The following MAST4 variants were observed in gnomAD, a reference collection of about 807,000 sequenced individuals.
MAST4 encodes microtubule-associated serine/threonine-protein kinase 4.
Under a neutral mutation model 162.7 loss-of-function variants are expected in MAST4, and 89 were observed. That is an observed-to-expected ratio of 0.55 (90% CI 0.46 to 0.65). The LOEUF (loss-of-function observed/expected upper bound fraction) is 0.65, where lower values mean the gene tolerates loss of function less well. MAST4 is among the 30% of genes least tolerant of loss of function. The pLI, the probability that MAST4 is intolerant of heterozygous loss-of-function variation, is 0.00. For missense variants in MAST4, 3,153 were observed against 3,374.0 expected (o/e 0.93, Z 1.62); for synonymous variants, 1,479 against 1,361.1 (o/e 1.09, Z -1.91).
intron 1 of MAST4, among the ~76,000 whole-genome samples, chr5:66,729,042 A>G (rs2149551164): frequency 6.6e-6 from 1 of 152,314 alleles, no homozygotes; most frequent in South Asian, 2.1e-4. Flanking sequence ...ATTCTCAGGG[A>G]AGTCAAAGCA....
chr5:66,719,217 T>A (rs1751045694), intron 1 of MAST4, among the ~76,000 whole-genome samples: 1 of 152,242 alleles, frequency 6.6e-6, no homozygotes, highest in South Asian at 2.1e-4. Context: ...TACCTCCTCT[T>A]GTTTGGCTAT....
At chr5:66,799,167 G>A (rs534528456) in intron 3 of MAST4, among the ~76,000 whole-genome samples, 16 of 152,104 alleles carry the variant, frequency 1.1e-4, no homozygotes, top group African/African-American at 3.1e-4. Context: ...CTCCGACCTC[G>A]GACTCCTCTT....
Position 66,783,964 on chromosome 5 carries a change from G to C in MAST4, c.518-4706G>C, listed in dbSNP as rs537281061. On this transcript the variant is annotated intron_variant, in intron 2 of 28. Transcript: ENST00000403625. ...TCATTGAGCCAGGGTCCTAGCTTATGAATTTCCTGTACTGAGGCCTTACCT... is the reference window on the plus strand; with the variant it reads ...TCATTGAGCCAGGGTCCTAGCTTATCAATTTCCTGTACTGAGGCCTTACCT... 1.0e-3 allele frequency among the ~76,000 whole-genome samples: 154 copies of C among 152,194 alleles called. 1 individual carries two copies. The highest frequency in any genetic ancestry group is 3.6e-3 in the African/African-American group (149 of 41,530).
chr5:67,013,392 T>C (rs1214528411), intron 4 of MAST4, among the ~76,000 whole-genome samples: 1 of 152,202 alleles, frequency 6.6e-6, no homozygotes, highest in Non-Finnish European at 1.5e-5. Context: ...TGCTGAGGTC[T>C]CTTAGGGTCA....
At chr5:66,765,262 A>G (rs1174612616) in intron 2 of MAST4, among the ~76,000 whole-genome samples, 1 of 152,158 alleles carries the variant, frequency 6.6e-6, no homozygotes, top group Non-Finnish European at 1.5e-5. Context: ...GACTGTATAT[A>G]CAGTTGTCCC....
chr5:67,060,590 G>A (rs987572524), intron 5 of MAST4, among the ~76,000 whole-genome samples: 6 of 148,776 alleles, frequency 4.0e-5, no homozygotes, highest in African/African-American at 1.5e-4. Flanking sequence ...CCATTCTCCT[G>A]CCTCAGCCTC....
intron 4 of MAST4, among the ~76,000 whole-genome samples, chr5:67,015,962 TTGTA>T (rs1753241287): frequency 6.6e-6 from 1 of 152,190 alleles, no homozygotes; most frequent in African/African-American, 2.4e-5. Context: ...ATTTTTTCAT[TTGTA>T]TGCCAAATAT....
intron 1 of MAST4, among the ~76,000 whole-genome samples, chr5:66,651,344 G>A (rs12522064): frequency 0.071 from 10,737 of 151,946 alleles, 430 homozygotes; most frequent in Admixed American, 0.12. Context: ...CTACTTTATC[G>A]TTTGATTTTT....
At position 66,834,225 on chromosome 5, in the gene MAST4, G is replaced by A. The variant is rs534285065; in HGVS notation, c.642+45431G>A. 5.9e-5 allele frequency among the ~76,000 whole-genome samples: 9 copies of A among 152,270 alleles called. No individual in the cohort carries two copies. In the South Asian group the frequency reaches 1.9e-3, roughly 32 times the overall value. On this transcript the variant is annotated intron_variant, in intron 3 of 28. Transcript: ENST00000403625. ...CAGGAATTGGGAAAATTTAAGGGAT[G>A]TTGCAGTACCAGGAGCTAGAAGTGA...
At chr5:67,140,026 A>C (rs1770167030) in intron 19 of MAST4, among the ~76,000 whole-genome samples, 1 of 152,216 alleles carries the variant, frequency 6.6e-6, no homozygotes, top group African/African-American at 2.4e-5. Context: ...GCAGGGGGTA[A>C]AACCCCTGAC....
At chr5:67,107,702 A>G (rs1765751351) in intron 10 of MAST4, among the ~76,000 whole-genome samples, 2 of 152,226 alleles carry the variant, frequency 1.3e-5, no homozygotes, top group Admixed American at 1.3e-4. Context: ...TCTTTTGCAT[A>G]ACCCAGGTAA....
At chr5:67,070,582 T>C (rs1760835260) in intron 5 of MAST4, among the ~76,000 whole-genome samples, 1 of 152,240 alleles carries the variant, frequency 6.6e-6, no homozygotes, top group African/African-American at 2.4e-5. Flanking sequence ...TAGCTAATCA[T>C]GCATTCTGCT....
intron 4 of MAST4, among the ~76,000 whole-genome samples, chr5:66,967,988 A>ATG (rs1485960149): frequency 1.3e-5 from 2 of 152,150 alleles, no homozygotes; most frequent in Non-Finnish European, 2.9e-5. Flanking sequence ...AGTAATATAG[A>ATG]TGTGACTCGT....
chr5:66,658,988 C>T (rs1208835397), intron 1 of MAST4, among the ~76,000 whole-genome samples: 2 of 152,232 alleles, frequency 1.3e-5, no homozygotes, highest in African/African-American at 4.8e-5. Context: ...TACCACTGCA[C>T]TCCAGCCTGA....
chr5:67,085,612 T>C (rs374934960), intron 5 of MAST4, among the ~76,000 whole-genome samples: 2 of 152,344 alleles, frequency 1.3e-5, no homozygotes, highest in East Asian at 1.9e-4. Flanking sequence ...CTGTCTTTAC[T>C]TGAAACTTAA....
intron 1 of MAST4, among the ~76,000 whole-genome samples, chr5:66,659,383 G>A (rs948142459): frequency 1.3e-5 from 2 of 152,196 alleles, no homozygotes; most frequent in East Asian, 1.9e-4. Context: ...GATGTATCAC[G>A]TTGCCATATG....
intron 3 of MAST4, among the ~76,000 whole-genome samples, chr5:66,893,080 ATTTC>A (rs1762459315): frequency 1.3e-5 from 2 of 152,334 alleles, no homozygotes; most frequent in South Asian, 4.1e-4. Flanking sequence ...AAGGTAGCTA[ATTTC>A]TTTATTTTTC....
intron 1 of MAST4, among the ~76,000 whole-genome samples, chr5:66,628,715 G>T (rs1041164471): frequency 5.3e-5 from 8 of 152,062 alleles, no homozygotes; most frequent in African/African-American, 1.9e-4. Flanking sequence ...TGGAAGAGGA[G>T]GGCCAAAACT....
chr5:67,009,385 A>C (rs555210595), intron 4 of MAST4, among the ~76,000 whole-genome samples: 5 of 152,170 alleles, frequency 3.3e-5, no homozygotes, highest in Admixed American at 3.3e-4. Flanking sequence ...GGAACTAGAC[A>C]TGGCTTAGTA....
Sources: gnomAD v4.1 joint callset for allele counts (sites outside exome capture counted in the v4.1 genomes callset) on GRCh38, gnomAD v4.1.1 for gene constraint, MANE v1.5 for transcripts, NCBI Gene and HGNC (gene_info 2026-07-23, HGNC 2026-07-21) for gene names.